Variants in LMF1 observed in about 807,000 individuals in gnomAD.
LMF1 encodes the protein lipase maturation factor 1.
LMF1 carries 68 observed loss-of-function variants against 60.6 expected under a neutral mutation model. The observed-to-expected ratio is 1.12, with a 90% CI of 0.92 to 1.37. The LOEUF (loss-of-function observed/expected upper bound fraction) is 1.37. Ranked by LOEUF, LMF1 falls within the 40% of genes most tolerant of loss-of-function variation. The pLI is 0.00. For missense variants in LMF1, 948 were observed against 767.2 expected (o/e 1.24, Z -2.78); for synonymous variants, 418 against 324.7 (o/e 1.29, Z -3.09).
chr16:911,272 C>T (rs1429336008), intron 3 of LMF1, among the ~76,000 whole-genome samples, 193 bp from the exon 4 acceptor site: 1 of 152,104 alleles, frequency 6.6e-6, no homozygotes, highest in Non-Finnish European at 1.5e-5. Context: ...GGAGCTCTGG[C>T]GTGGGACCCA....
chr16:884,679 C>T (rs12598695), intron 5 of LMF1, among the ~76,000 whole-genome samples: 6 of 149,392 alleles, frequency 4.0e-5, no homozygotes, highest in South Asian at 2.1e-4. Context: ...TAGATCTCCA[C>T]GCAGGAGTGA....
chr16:963,260 C>T (rs2072850803), intron 1 of LMF1, among the ~76,000 whole-genome samples: 2 of 152,112 alleles, frequency 1.3e-5, no homozygotes, highest in Middle Eastern at 3.2e-3. Flanking sequence ...TGAGCGCTGA[C>T]CTCCTAGCAA....
In LMF1 at chr16:914,313, C is replaced by G. The variant is rs916482960; in HGVS notation, c.515-3234G>C. On this transcript the variant is annotated intron_variant, in intron 3 of 10. Transcript: ENST00000262301. Reference sequence around the variant, plus strand: ...CCTTCCAGCACCCTGTGAAGACAGCCCTGACCCAAATGGGGAGAAGGCTGG... The same window carrying G: ...CCTTCCAGCACCCTGTGAAGACAGCGCTGACCCAAATGGGGAGAAGGCTGG... 2.0e-5 allele frequency among the ~76,000 whole-genome samples: 3 copies of G among 152,142 alleles called. No homozygotes were observed. The East Asian group carries it at 5.8e-4, about 29-fold the overall frequency.
intron 10 of LMF1, among the ~76,000 whole-genome samples, chr16:867,484 G>A (rs949767755): frequency 1.3e-5 from 2 of 152,146 alleles, no homozygotes; most frequent in East Asian, 1.9e-4. Flanking sequence ...CTGCTGAGAC[G>A]GGGCAGTAAC....
chr16:892,067 C>T (rs1051251709), intron 5 of LMF1, among the ~76,000 whole-genome samples: 7 of 152,230 alleles, frequency 4.6e-5, no homozygotes, highest in Non-Finnish European at 1.0e-4. Flanking sequence ...GGCACAAACG[C>T]CTGTGCCAGG....
upstream of LMF1, among the ~76,000 whole-genome samples, chr16:974,627 C>T (rs934413132): frequency 7.9e-5 from 12 of 152,334 alleles, no homozygotes; most frequent in East Asian, 5.8e-4. Context: ...ACCCTGTCCC[C>T]GCCGTCCCGG....
intron 10 of LMF1, among the ~76,000 whole-genome samples, chr16:867,476 G>A (rs1245776476): frequency 2.0e-5 from 3 of 152,184 alleles, no homozygotes. Context: ...TCTGAAGGCT[G>A]CTGAGACGGG....
chr16:913,125 T>G (rs757341303), intron 3 of LMF1, among the ~76,000 whole-genome samples: 5 of 152,216 alleles, frequency 3.3e-5, no homozygotes, highest in Non-Finnish European at 5.9e-5. Context: ...GGCGCCAGCA[T>G]CTGCACGCCC....
chr16:942,113 C>T (rs1181018152), intron 2 of LMF1, among the ~76,000 whole-genome samples: 1 of 152,210 alleles, frequency 6.6e-6, no homozygotes, highest in Admixed American at 6.5e-5. Context: ...AAAGCCTTCT[C>T]TCAGTTTTCC....
At chr16:884,468 A>G (rs1249662331) in intron 5 of LMF1, among the ~76,000 whole-genome samples, 1 of 151,664 alleles carries the variant, frequency 6.6e-6, no homozygotes, top group African/African-American at 2.4e-5. Flanking sequence ...TCTCTTTCAA[A>G]AATGAAGGTG....
rs571696079 is a variant in LMF1, at chr16:934,354, C to T, written c.504-100G>A. The T allele has an allele frequency of 1.1e-4, 159 of 1,479,240 alleles. 1 individual carries two copies. The South Asian group carries it at 1.2e-3, about 11-fold the overall frequency. 91.6% of individuals were successfully genotyped at this position (1,479,240 alleles called of 1,614,324 possible). A position where few individuals can be genotyped will look rare whatever the true frequency, so the allele number is the denominator to read the frequency against. On this transcript the variant is annotated intron_variant, in intron 2 of 10. Coordinates refer to ENST00000262301, the MANE Select transcript of LMF1 (RefSeq NM_022773.4). Reference sequence around the variant, plus strand: ...GTGAAGCCCACCCTGGCACCCAGCACGGTGTGGGGTCAGGGAAGCCCTGCG... The same window carrying T: ...GTGAAGCCCACCCTGGCACCCAGCATGGTGTGGGGTCAGGGAAGCCCTGCG...
intron 3 of LMF1, among the ~76,000 whole-genome samples, chr16:930,977 C>T (rs1008870243): frequency 3.3e-5 from 5 of 151,918 alleles, no homozygotes; most frequent in African/African-American, 7.3e-5. Flanking sequence ...AAAAATTAGC[C>T]GGGCGTGGTG....
At chr16:892,828 C>T (rs1027598647) in intron 5 of LMF1, among the ~76,000 whole-genome samples, 179 bp downstream of exon 5, 9 of 152,240 alleles carry the variant, frequency 5.9e-5, no homozygotes, top group African/African-American at 2.2e-4. Flanking sequence ...CCCGCAGCCC[C>T]AGCAAGCCCC....
intron 3 of LMF1, among the ~76,000 whole-genome samples, chr16:911,534 G>C (rs906766462): frequency 9.1e-5 from 10 of 109,586 alleles, no homozygotes; most frequent in East Asian, 5.2e-4. Flanking sequence ...AGGCAGCACT[G>C]GGGGGGCAGC....
chr16:902,670 C>T (rs1400666920), intron 4 of LMF1: 1 of 153,900 alleles, frequency 6.5e-6, no homozygotes, highest in Non-Finnish European at 1.4e-5. Flanking sequence ...TGTGGGGTGA[C>T]CTCTGCACTG....
At chr16:914,652 T>C (rs1458208249) in intron 3 of LMF1, among the ~76,000 whole-genome samples, 8 of 17,322 alleles carry the variant, frequency 4.6e-4, no homozygotes, top group African/African-American at 8.6e-4. Flanking sequence ...TCCCTCCTCA[T>C]GACCATTGGT....
At chr16:917,119 C>A (rs1047657312) in intron 3 of LMF1, among the ~76,000 whole-genome samples, 2 of 152,238 alleles carry the variant, frequency 1.3e-5, no homozygotes, top group African/African-American at 4.8e-5. Flanking sequence ...CAGCCCAGCA[C>A]ACAGAAGCAA....
At chr16:902,647 C>A (rs1293938393) in intron 4 of LMF1, 1 of 167,816 alleles carries the variant, frequency 6.0e-6, no homozygotes, top group Non-Finnish European at 1.3e-5. Context: ...CCACAGGACG[C>A]CTGTCTCTGC....
chr16:879,079 C>T (rs1005379029), intron 6 of LMF1, among the ~76,000 whole-genome samples: 3 of 151,716 alleles, frequency 2.0e-5, no homozygotes, highest in East Asian at 2.0e-4. Flanking sequence ...CAGGACGGGG[C>T]GTTAGGGGGT....
Sources: allele counts gnomAD v4.1 joint callset (sites outside exome capture counted in the v4.1 genomes callset), GRCh38; gene constraint gnomAD v4.1.1; transcripts MANE v1.5; gene names NCBI Gene and HGNC (gene_info 2026-07-23, HGNC 2026-07-21).